RGS8: variants seen among roughly 807,000 people sequenced by gnomAD.
RGS8 encodes the protein regulator of G-protein signaling 8.
A neutral mutation model predicts 21.7 loss-of-function variants in RGS8; 8 were observed. The observed-to-expected ratio is 0.37, with a 90% CI of 0.22 to 0.66. The LOEUF is 0.66. RGS8 is among the 30% of genes least tolerant of loss of function. The probability of loss-of-function intolerance (pLI) is 0.59; values close to 1 mark genes in which losing one functional copy is unlikely to be tolerated. For synonymous variants in RGS8, 80 were observed against 83.6 expected, an observed-to-expected ratio of 0.96 and a Z score of 0.24; for missense variants, 157 against 217.9, an observed-to-expected ratio of 0.72 and a Z score of 1.76.
the RGS8 span, among the ~76,000 whole-genome samples, chr1:182,732,272 T>TACAC: frequency 0.016 from 2,159 of 132,548 alleles, 25 homozygotes; most frequent in African/African-American, 0.022. Flanking sequence ...CTCTCTCTCA[T>TACAC]ACACACACAC....
At chr1:182,672,183 G>T (rs201933150), upstream of RGS8, 4 of 176,116 alleles carry the variant, frequency 2.3e-5, no homozygotes, top group East Asian at 6.3e-4. Context: ...GTGTCCAGGG[G>T]ACCCTCTTCT....
chr1:182,751,707 A>C, the RGS8 span, among the ~76,000 whole-genome samples: 1 of 152,212 alleles, frequency 6.6e-6, no homozygotes, highest in East Asian at 1.9e-4. Flanking sequence ...AGCATTAGGT[A>C]CATAATATAC....
At chr1:182,701,824 T>C in the RGS8 span, among the ~76,000 whole-genome samples, 1 of 152,176 alleles carries the variant, frequency 6.6e-6, no homozygotes, top group African/African-American at 2.4e-5. Flanking sequence ...TATTTGTTTT[T>C]TATGAAAAAA....
the RGS8 span, among the ~76,000 whole-genome samples, chr1:182,712,560 T>C: frequency 3.3e-5 from 5 of 152,200 alleles, no homozygotes; most frequent in Non-Finnish European, 2.9e-5. Flanking sequence ...ATTTACACCT[T>C]TTAAAAATAT....
At chr1:182,661,421 G>A (rs1049819214) in intron 5 of RGS8, among the ~76,000 whole-genome samples, 1 of 152,014 alleles carries the variant, frequency 6.6e-6, no homozygotes, top group African/African-American at 2.4e-5. Flanking sequence ...GAAGTGAGAG[G>A]AAAGGTGAGG....
chr1:182,691,685 A>G, the RGS8 span, among the ~76,000 whole-genome samples: 2 of 150,762 alleles, frequency 1.3e-5, no homozygotes, highest in East Asian at 3.9e-4. Flanking sequence ...AATAAGAGCT[A>G]TCTATTTCAA....
At chr1:182,685,460 A>G (rs80296327), upstream of RGS8, among the ~76,000 whole-genome samples, 2,879 of 152,306 alleles carry the variant, frequency 0.019, 85 homozygotes, top group African/African-American at 0.066. Flanking sequence ...CACCAGCTCT[A>G]TTTACAACCA....
chr1:182,663,585 G>A (rs1298295946), intron 5 of RGS8, among the ~76,000 whole-genome samples: 2 of 152,034 alleles, frequency 1.3e-5, no homozygotes, highest in African/African-American at 2.4e-5. Flanking sequence ...CTGGAATATA[G>A]TGGTGTGATC....
intron 6 of RGS8, 100 bp downstream of exon 7, chr1:182,648,037 A>C: frequency 9.1e-7 from 1 of 1,093,480 alleles, no homozygotes. Flanking sequence ...TCAGTTTAGT[A>C]TAAGAAAGTC....
At chr1:182,671,118 C>A (rs1664136753) in intron 2 of RGS8, among the ~76,000 whole-genome samples, 1 of 152,206 alleles carries the variant, frequency 6.6e-6, no homozygotes, top group Admixed American at 6.5e-5. Flanking sequence ...CTTCCCATTC[C>A]ACTGCCAGCC....
At chr1:182,683,972 A>C (rs1466059933) in intron 1 of RGS8, among the ~76,000 whole-genome samples, 1 of 152,258 alleles carries the variant, frequency 6.6e-6, no homozygotes, top group East Asian at 1.9e-4. Flanking sequence ...AGACAGTGTT[A>C]TCGTCCAGAT....
chr1:182,731,911 A>C, the RGS8 span, among the ~76,000 whole-genome samples: 2 of 152,210 alleles, frequency 1.3e-5, no homozygotes, highest in South Asian at 4.1e-4. Flanking sequence ...GCTGAACAAA[A>C]GGCTGCCAGT....
chr1:182,660,961 G>C (rs965465664), intron 5 of RGS8, among the ~76,000 whole-genome samples: 2 of 151,974 alleles, frequency 1.3e-5, no homozygotes, highest in Admixed American at 6.6e-5. Flanking sequence ...GGCTTGGAGA[G>C]GGATGTGGGG....
chr1:182,750,213 CT>C, the RGS8 span, among the ~76,000 whole-genome samples: 1 of 152,128 alleles, frequency 6.6e-6, no homozygotes, highest in South Asian at 2.1e-4. Flanking sequence ...TCTTTTTACT[CT>C]ACAAAACTGG....
At chr1:182,658,116 C>G (rs993473198) in intron 5 of RGS8, among the ~76,000 whole-genome samples, 1 of 152,216 alleles carries the variant, frequency 6.6e-6, no homozygotes, top group Non-Finnish European at 1.5e-5. Context: ...ATTCTTGGAA[C>G]AGTGAGCAGA....
intron 5 of RGS8, among the ~76,000 whole-genome samples, chr1:182,655,479 G>GA (rs1557886551): frequency 6.6e-6 from 1 of 152,230 alleles, no homozygotes; most frequent in Non-Finnish European, 1.5e-5. Flanking sequence ...AGTTAAGGCC[G>GA]ACTCGGCAGG....
chr1:182,720,396 A>C, the RGS8 span, among the ~76,000 whole-genome samples: 1 of 152,290 alleles, frequency 6.6e-6, no homozygotes, highest in African/African-American at 2.4e-5. Flanking sequence ...AATGCCTGCT[A>C]TGTAAGAGTA....
chr1:182,702,544 A>G, the RGS8 span, among the ~76,000 whole-genome samples: 1 of 152,234 alleles, frequency 6.6e-6, no homozygotes, highest in Non-Finnish European at 1.5e-5. Context: ...ACTTGAAATT[A>G]TAACTTTTTT....
At chr1:182,722,587 G>A in the RGS8 span, among the ~76,000 whole-genome samples, 33 of 152,048 alleles carry the variant, frequency 2.2e-4, no homozygotes, top group Admixed American at 9.8e-4. Context: ...AGCAGTCCTC[G>A]GGGTTACTTG....
Sources: gnomAD v4.1 joint callset for allele counts (sites outside exome capture counted in the v4.1 genomes callset) on GRCh38, gnomAD v4.1.1 for gene constraint, MANE v1.5 for transcripts, NCBI Gene and HGNC (gene_info 2026-07-23, HGNC 2026-07-21) for gene names.